PCDH11X: variants seen among roughly 807,000 people sequenced by gnomAD.
PCDH11X encodes the protein protocadherin 11 X-linked.
Under a neutral mutation model 53.3 loss-of-function variants are expected in PCDH11X, and 18 were observed. The observed-to-expected ratio is 0.34, with a 90% CI of 0.23 to 0.50. PCDH11X has a LOEUF of 0.50. Among genes scored for constraint, PCDH11X ranks in the 20% least tolerant of loss-of-function variants. PCDH11X has a pLI of 0.98. For missense variants in PCDH11X, 570 were observed against 1,032.4 expected (o/e 0.55, Z 6.14); for synonymous variants, 279 against 393.3 (o/e 0.71, Z 3.44).
At chrX:92,493,621 A>C (rs1444522753) in intron 10 of PCDH11X, among the ~76,000 whole-genome samples, 4 of 104,729 alleles carry the variant, frequency 3.8e-5, no homozygotes. Flanking sequence ...CAGTAGTAAA[A>C]CTTACATAAT....
chrX:92,434,657 A>G (rs1167098795), intron 9 of PCDH11X, among the ~76,000 whole-genome samples: 1 of 104,766 alleles, frequency 9.5e-6, no homozygotes, highest in Admixed American at 1.0e-4. Context: ...TCCTTCTGCC[A>G]CAGCCTCTCA....
chrX:92,180,627 A>G (rs1044779176), intron 6 of PCDH11X, among the ~76,000 whole-genome samples: 1 of 111,137 alleles, frequency 9.0e-6, no homozygotes, highest in Non-Finnish European at 1.9e-5. Context: ...GAATTCCCAT[A>G]TGTTGTGGGA....
intron 6 of PCDH11X, among the ~76,000 whole-genome samples, chrX:91,989,958 AT>A (rs763181212): frequency 7.0e-4 from 78 of 110,828 alleles, no homozygotes; most frequent in African/African-American, 1.5e-3. Flanking sequence ...GGCTCTGTTA[AT>A]TTTTTTATAG....
intron 9 of PCDH11X, among the ~76,000 whole-genome samples, chrX:92,407,288 C>T (rs1362988567): frequency 5.4e-5 from 6 of 111,507 alleles, no homozygotes; most frequent in African/African-American, 2.0e-4. Context: ...ACAAAAACTG[C>T]TACAAAGAAC....
chrX:92,571,300 C>G (rs1922187498), intron 10 of PCDH11X, among the ~76,000 whole-genome samples: 1 of 110,911 alleles, frequency 9.0e-6, no homozygotes, highest in Non-Finnish European at 1.9e-5. Context: ...GGCCAGGATA[C>G]ACAAACCTAA....
At chrX:92,089,720 A>G in intron 6 of PCDH11X, among the ~76,000 whole-genome samples, 2 of 105,090 alleles carry the variant, frequency 1.9e-5, no homozygotes. Flanking sequence ...ACAGGGTTTC[A>G]TCATATTGGT....
At chrX:91,788,070 G>C (rs1935393719) in intron 1 of PCDH11X, among the ~76,000 whole-genome samples, 1 of 111,683 alleles carries the variant, frequency 9.0e-6, no homozygotes, top group African/African-American at 3.3e-5. Context: ...TTGGGTGATA[G>C]CATGAATTAA....
chrX:92,339,392 T>C (rs35886706), intron 8 of PCDH11X, among the ~76,000 whole-genome samples: 1 of 112,270 alleles, frequency 8.9e-6, no homozygotes, highest in Non-Finnish European at 1.9e-5. Flanking sequence ...TCTAAAGCAA[T>C]TGCAACCTGT....
chrX:91,940,069 C>T (rs1473767775), intron 6 of PCDH11X, among the ~76,000 whole-genome samples: 1 of 110,433 alleles, frequency 9.1e-6, no homozygotes, highest in Non-Finnish European at 1.9e-5. Flanking sequence ...GTGGATTTCT[C>T]GTGAGTGGTT....
intron 6 of PCDH11X, among the ~76,000 whole-genome samples, chrX:92,104,752 T>A (rs1375981766): frequency 9.1e-6 from 1 of 110,092 alleles, no homozygotes; most frequent in East Asian, 2.9e-4. Context: ...GGTGGGGTTT[T>A]CTTCCCCTCC....
intron 6 of PCDH11X, among the ~76,000 whole-genome samples, chrX:92,135,597 TTA>T (rs2065069357): frequency 9.0e-6 from 1 of 111,013 alleles, no homozygotes; most frequent in Admixed American, 9.8e-5. Flanking sequence ...AGAATAGGGT[TTA>T]TGTTTCATTA....
intron 7 of PCDH11X, among the ~76,000 whole-genome samples, chrX:92,218,865 A>G (rs1190672427): frequency 8.9e-6 from 1 of 111,746 alleles, no homozygotes; most frequent in African/African-American, 3.2e-5. Flanking sequence ...AGTGGGCTTC[A>G]TCCCTGGGAT....
intron 6 of PCDH11X, among the ~76,000 whole-genome samples, chrX:92,036,743 A>C (rs998103873): frequency 5.3e-4 from 59 of 111,652 alleles, no homozygotes; most frequent in African/African-American, 1.9e-3. Flanking sequence ...ACTGGTTGGC[A>C]GAGGTTGGAA....
intron 6 of PCDH11X, among the ~76,000 whole-genome samples, chrX:92,011,613 G>A (rs192405105): frequency 0.014 from 1,541 of 111,151 alleles, 22 homozygotes; most frequent in African/African-American, 0.047. Flanking sequence ...GGCCTTGAAC[G>A]ATTTTACAAA....
intron 7 of PCDH11X, among the ~76,000 whole-genome samples, chrX:92,216,621 A>C (rs1402353153): frequency 4.2e-5 from 4 of 95,495 alleles, no homozygotes; most frequent in African/African-American, 1.5e-4. Context: ...AAGTTGGAAA[A>C]AACTCTGCAG....
intron 10 of PCDH11X, among the ~76,000 whole-genome samples, chrX:92,610,908 T>A (rs1213215878): frequency 1.8e-5 from 2 of 111,514 alleles, no homozygotes; most frequent in African/African-American, 6.5e-5. Flanking sequence ...TGGCTGTAGG[T>A]GTGCAACTTT....
rs75866646 is a variant in PCDH11X at position 92,323,725 on chromosome X, G to A, written c.3144+60582G>A. On this transcript the variant is annotated intron_variant, in intron 8 of 10. Coordinates refer to ENST00000682573, the MANE Select transcript of PCDH11X (RefSeq NM_032968.5). The stretch of plus-strand genomic sequence containing the variant: ...AACTATGTGCCTCTAGACAAGGGAA[G>A]TTATTAATCACTCCCCAAGACCACC... Among the ~76,000 whole-genome samples, 309 of 110,791 alleles carry A rather than the reference G, an allele frequency of 2.8e-3. 6 individuals carry two copies. The East Asian group carries it at 0.055, about 20-fold the overall frequency.
At chrX:91,785,558 C>A (rs1935308691) in intron 1 of PCDH11X, among the ~76,000 whole-genome samples, 1 of 112,191 alleles carries the variant, frequency 8.9e-6, no homozygotes, top group African/African-American at 3.2e-5. Context: ...CATTTTTCAT[C>A]AAAGACATAT....
intron 7 of PCDH11X, among the ~76,000 whole-genome samples, chrX:92,218,045 T>C (rs2066762170): frequency 9.1e-6 from 1 of 109,979 alleles, no homozygotes; most frequent in Non-Finnish European, 1.9e-5. Context: ...CTGGGACACA[T>C]TTAAAGCAGT....
Sources: gnomAD v4.1 joint callset for allele counts (sites outside exome capture counted in the v4.1 genomes callset) on GRCh38, gnomAD v4.1.1 for gene constraint, MANE v1.5 for transcripts, NCBI Gene and HGNC (gene_info 2026-07-23, HGNC 2026-07-21) for gene names.